The following SLC23A2 variants were observed in gnomAD, a reference collection of about 807,000 sequenced individuals.
The protein encoded by SLC23A2 is Na(+)/L-ascorbic acid transporter 2.
In SLC23A2, 36 loss-of-function variants were observed where a neutral mutation model predicts 73.3. The ratio of observed to expected loss-of-function variants is 0.49; its 90% CI spans 0.38 to 0.65. SLC23A2 has a LOEUF of 0.65. SLC23A2 is among the 30% of genes least tolerant of loss of function. The pLI is 0.00. For synonymous variants in SLC23A2, 343 were observed against 327.3 expected, an observed-to-expected ratio of 1.05 and a Z score of -0.52; for missense variants, 507 against 841.6, an observed-to-expected ratio of 0.60 and a Z score of 4.92.
rs959993931 is a variant in SLC23A2, at chr20:4,987,550, T to TA, written c.-282+13855dup. On this transcript the variant is annotated intron_variant, in intron 1 of 16. Transcript: ENST00000338244. ...TGTCAAGATGCTGGGCTTTGTTCGC[T>TA]AAAAAAAACACTATGTGGCCGGGCG... is the stretch of plus-strand genomic sequence containing the variant. Among the ~76,000 whole-genome samples the TA allele has an allele frequency of 1.3e-4, 19 of 151,912 alleles. No homozygotes were observed. The South Asian group carries it at 1.5e-3, about 12-fold the overall frequency.
At chr20:4,887,928 A>G (rs1232015449) in intron 6 of SLC23A2, among the ~76,000 whole-genome samples, 1 of 152,240 alleles carries the variant, frequency 6.6e-6, no homozygotes, top group Non-Finnish European at 1.5e-5. Context: ...CAATTAACAA[A>G]GCCAATTTTC....
At chr20:4,994,761 CA>C (rs946312365) in intron 1 of SLC23A2, among the ~76,000 whole-genome samples, 1 of 150,882 alleles carries the variant, frequency 6.6e-6, no homozygotes, top group Non-Finnish European at 1.5e-5. Context: ...ATTCCGTCCC[CA>C]AAAAAAATAT....
rs1328315672 is a variant in SLC23A2 at position 4,862,259 on chromosome 20, G to A, written c.1487-174C>T. 1.3e-5 allele frequency among the ~76,000 whole-genome samples: 2 copies of A among 152,226 alleles called. No homozygotes were observed. Among genetic ancestry groups the A allele is most frequent in the Non-Finnish European group, 2.9e-5 (2 of 68,036 alleles). On this transcript the variant is annotated intron_variant, in intron 14 of 16. Transcript: ENST00000338244. The surrounding 1 kb of genome is among the most constrained non-coding windows in gnomAD (Gnocchi z 5.1). Reference sequence around the variant, plus strand: ...TCAGACTGTAGCCACCCTGCGCTCTGAGCCAAATGACCCTCGGCGTACGCG... The same window carrying A: ...TCAGACTGTAGCCACCCTGCGCTCTAAGCCAAATGACCCTCGGCGTACGCG...
intron 1 of SLC23A2, among the ~76,000 whole-genome samples, chr20:4,986,649 TACACACACACACACACACAC>T (rs55738084): frequency 1.2e-4 from 16 of 129,734 alleles, no homozygotes; most frequent in African/African-American, 3.9e-4. Context: ...CATACACACA[TACACACACACACACACACAC>T]ACACACACAC....
chr20:4,970,571 A>G, intron 2 of SLC23A2, among the ~76,000 whole-genome samples: 1 of 148,374 alleles, frequency 6.7e-6, no homozygotes, highest in Non-Finnish European at 1.5e-5. Context: ...CATCTCTAAG[A>G]AAAAAAAATT....
chr20:5,006,244 C>T (rs1341780882), upstream of SLC23A2, among the ~76,000 whole-genome samples: 1 of 150,660 alleles, frequency 6.6e-6, no homozygotes, highest in Non-Finnish European at 1.5e-5. Context: ...ATTACAGGCG[C>T]CTGCCACCGC....
At chr20:4,963,256 T>A (rs2087421338) in intron 2 of SLC23A2, among the ~76,000 whole-genome samples, 1 of 152,180 alleles carries the variant, frequency 6.6e-6, no homozygotes, top group African/African-American at 2.4e-5. Context: ...AGTTATGCTT[T>A]TCTCAAGTTC....
upstream of SLC23A2, among the ~76,000 whole-genome samples, chr20:5,004,940 G>A (rs987926479): frequency 1.3e-5 from 2 of 151,340 alleles, no homozygotes; most frequent in South Asian, 2.1e-4. Context: ...TGGAGGTTGC[G>A]GTGAGCCGAG....
rs1931517251 is a variant in SLC23A2, at chr20:4,896,263, A to G, written c.482+3292T>C. 2.0e-5 allele frequency among the ~76,000 whole-genome samples: 3 copies of G among 152,258 alleles called. No homozygotes were observed. The South Asian group carries it at 6.2e-4, about 32-fold the overall frequency. On this transcript the variant is annotated intron_variant, in intron 6 of 16. Coordinates refer to ENST00000338244, the MANE Select transcript of SLC23A2 (RefSeq NM_005116.6). Reference sequence around the variant, plus strand: ...CAGCCCCCTGCACAGCAGGCCCCCAAGTGTGCTAAGGACCCACACGGAAGA... The same window carrying G: ...CAGCCCCCTGCACAGCAGGCCCCCAGGTGTGCTAAGGACCCACACGGAAGA...
Position 4,861,997 on chromosome 20 carries a change from G to C in SLC23A2, c.1575C>G (p.Phe525Leu). 6.2e-7 allele frequency: 1 copy of C among 1,614,194 alleles called. No individual in the cohort carries two copies. The highest frequency in any genetic ancestry group is 8.5e-7 in the Non-Finnish European group (1 of 1,180,018). ...RNLFVLGFSI[F>L]FGLVLPSYLR... is the part of the protein sequence containing the mutation. ...GGTAACTTGGAAGGACGAGCCCAAA[G>C]AAGATCGAAAATCCAAGCACAAAGA... The change falls in exon 15 of 17, where the codon TTC becomes TTG. Residue 525 changes from phenylalanine to leucine, a missense_variant. Transcript: ENST00000338244.
intron 2 of SLC23A2, among the ~76,000 whole-genome samples, chr20:4,943,081 T>C (rs1333938580): frequency 7.5e-6 from 1 of 133,926 alleles, no homozygotes; most frequent in African/African-American, 2.8e-5. Context: ...CATCTTTATA[T>C]TCCCAGCTCC....
chr20:4,943,606 T>G (rs1408027451), intron 2 of SLC23A2, among the ~76,000 whole-genome samples: 1 of 143,614 alleles, frequency 7.0e-6, no homozygotes, highest in African/African-American at 2.6e-5. Context: ...GTCCAGAAGG[T>G]AAAGGTTGCA....
At chr20:4,982,605 C>T (rs2087744233) in intron 1 of SLC23A2, among the ~76,000 whole-genome samples, 1 of 152,010 alleles carries the variant, frequency 6.6e-6, no homozygotes, top group Non-Finnish European at 1.5e-5. Context: ...TACCCCATTT[C>T]AAAAGTAATA....
chr20:4,999,343 T>C (rs1180593205), intron 1 of SLC23A2, among the ~76,000 whole-genome samples: 1 of 150,180 alleles, frequency 6.7e-6, no homozygotes, highest in Admixed American at 6.6e-5. Flanking sequence ...ACCAAGTGGA[T>C]GGATGGATGG....
intron 2 of SLC23A2, among the ~76,000 whole-genome samples, chr20:4,958,166 G>A (rs2087322460): frequency 6.6e-6 from 1 of 152,236 alleles, no homozygotes; most frequent in African/African-American, 2.4e-5. Context: ...AAGGGTTAGT[G>A]GTAAAGCATC....
chr20:4,913,143 C>A (rs1179799477), intron 3 of SLC23A2, among the ~76,000 whole-genome samples, 165 bp from the exon 4 acceptor site: 1 of 152,146 alleles, frequency 6.6e-6, no homozygotes, highest in Non-Finnish European at 1.5e-5. Context: ...AAGGCTCAGC[C>A]GGGGAGAAAA....
At chr20:4,924,320 A>T (rs1163522621) in intron 3 of SLC23A2, among the ~76,000 whole-genome samples, 1 of 152,128 alleles carries the variant, frequency 6.6e-6, no homozygotes, top group Admixed American at 6.5e-5. Context: ...GTTTCTCCTG[A>T]CATACTTTTC....
At chr20:4,936,106 G>T (rs970015800) in intron 2 of SLC23A2, among the ~76,000 whole-genome samples, 1 of 152,112 alleles carries the variant, frequency 6.6e-6, no homozygotes, top group African/African-American at 2.4e-5. Context: ...TGCCAGAGTT[G>T]TCATCATGTT....
Position 4,885,901 on chromosome 20 carries a change from A to T in SLC23A2, c.491T>A (p.Leu164Gln). The T allele has an allele frequency of 6.2e-7, 1 of 1,612,220 alleles. No homozygotes were observed. The change falls in exon 7 of 17, where the codon CTG becomes CAG. Residue 164 changes from leucine (L) to glutamine (Q), a missense_variant. Transcript: ENST00000338244. ...AAATGCAAAAGCACTGGCCTGAAAC[A>T]GGGGTAACCTAAAAGAAACGAGACC... ...LQTTFGCRLP[L>Q]FQASAFAFLA...
Sources: allele counts gnomAD v4.1 joint callset (sites outside exome capture counted in the v4.1 genomes callset), GRCh38; gene constraint gnomAD v4.1.1; non-coding constraint Gnocchi (gnomAD v3.1); transcripts MANE v1.5; gene names NCBI Gene and HGNC (gene_info 2026-07-23, HGNC 2026-07-21).